The following FAM13A variants were observed in gnomAD, a reference collection of about 807,000 sequenced individuals.
FAM13A encodes family with sequence similarity 13 member A, also known as protein FAM13A.
A neutral mutation model predicts 129.6 loss-of-function variants in FAM13A; 76 were observed. The ratio of observed to expected loss-of-function variants is 0.59; its 90% CI spans 0.49 to 0.71. FAM13A has a LOEUF of 0.71. Among genes scored for constraint, FAM13A ranks in the 30% least tolerant of loss-of-function variants. The probability of loss-of-function intolerance (pLI) is 0.00; values close to 1 mark genes in which losing one functional copy is unlikely to be tolerated. For synonymous variants in FAM13A, 443 were observed against 449.9 expected (o/e 0.98, Z 0.20); for missense variants, 1,108 against 1,249.3 (o/e 0.89, Z 1.70).
chr4:88,943,531 T>C (rs754805283), intron 4 of FAM13A, among the ~76,000 whole-genome samples: 1 of 152,256 alleles, frequency 6.6e-6, no homozygotes, highest in Non-Finnish European at 1.5e-5. Flanking sequence ...GGTTCTAACA[T>C]GGCCATTTTA....
intron 9 of FAM13A, 103 bp downstream of exon 9, chr4:88,790,483 T>C: frequency 1.1e-6 from 1 of 933,162 alleles, no homozygotes; most frequent in Non-Finnish European, 1.7e-6. Flanking sequence ...AATTTTCCAA[T>C]ACTGTACACC....
intron 6 of FAM13A, among the ~76,000 whole-genome samples, chr4:88,866,739 G>C (rs1171528457): frequency 6.6e-6 from 1 of 152,124 alleles, no homozygotes; most frequent in Non-Finnish European, 1.5e-5. Context: ...ATAGTTTGTA[G>C]AGCAGTTGGA....
chr4:88,879,064 G>A (rs904123274), intron 6 of FAM13A, among the ~76,000 whole-genome samples: 1 of 152,194 alleles, frequency 6.6e-6, no homozygotes, highest in Non-Finnish European at 1.5e-5. Context: ...AATAAGTTGT[G>A]TGCAATCAGA....
chr4:88,977,856 T>G (rs1761113315), intron 4 of FAM13A, among the ~76,000 whole-genome samples: 1 of 152,158 alleles, frequency 6.6e-6, no homozygotes, highest in South Asian at 2.1e-4. Context: ...ATGGAGCATA[T>G]AAAGTTATAA....
intron 8 of FAM13A, among the ~76,000 whole-genome samples, chr4:88,804,689 A>G (rs1728205263): frequency 8.0e-6 from 1 of 125,106 alleles, no homozygotes; most frequent in Admixed American, 8.0e-5. Context: ...TAACCTATGC[A>G]TATGTATATG....
At chr4:88,936,860 T>C (rs921399368) in intron 5 of FAM13A, 4 of 152,196 alleles carry the variant, frequency 2.6e-5, no homozygotes, top group Non-Finnish European at 4.4e-5. Context: ...ATGGGGTATA[T>C]GTGATTGAGA....
intron 4 of FAM13A, among the ~76,000 whole-genome samples, chr4:88,977,940 A>C (rs1395730874): frequency 6.6e-6 from 1 of 152,226 alleles, no homozygotes; most frequent in Non-Finnish European, 1.5e-5. Context: ...AATCAGTAAT[A>C]TTTAATTTTT....
rs561938050 is a variant in FAM13A, at chr4:88,825,378, C to G, written c.1008-20326G>C. Among the ~76,000 whole-genome samples the G allele has an allele frequency of 1.3e-4, 19 of 151,594 alleles. No individual in the cohort carries two copies. The East Asian group carries it at 3.1e-3, about 25-fold the overall frequency. On this transcript the variant is annotated intron_variant, in intron 7 of 23. Transcript: ENST00000264344. The stretch of plus-strand genomic sequence containing the variant: ...TTACAGGTGCTCGCCACCATGCCCC[C>G]CCTAATTTTTGTATTTTTAGTAGAG...
intron 8 of FAM13A, among the ~76,000 whole-genome samples, chr4:88,800,026 T>A (rs1489813525): frequency 6.6e-6 from 1 of 152,178 alleles, no homozygotes; most frequent in Admixed American, 6.5e-5. Context: ...CCCTGAGGTA[T>A]GCTAAGTAAA....
intron 6 of FAM13A, among the ~76,000 whole-genome samples, chr4:88,901,354 C>G (rs1385471414): frequency 6.6e-6 from 1 of 152,102 alleles, no homozygotes; most frequent in African/African-American, 2.4e-5. Flanking sequence ...TTCTCATCAC[C>G]ACACAGCACT....
At chr4:88,901,969 C>T (rs571503242) in intron 6 of FAM13A, among the ~76,000 whole-genome samples, 6 of 152,118 alleles carry the variant, frequency 3.9e-5, no homozygotes, top group Admixed American at 1.3e-4. Context: ...ACAGAGAATA[C>T]TATAAACACC....
At chr4:88,858,379 A>G (rs1394205768) in intron 6 of FAM13A, among the ~76,000 whole-genome samples, 3 of 152,250 alleles carry the variant, frequency 2.0e-5, no homozygotes. Context: ...GAATTAAGGT[A>G]GAAGACTTTA....
intron 3 of FAM13A, among the ~76,000 whole-genome samples, chr4:88,996,429 G>A (rs920338281): frequency 6.6e-6 from 1 of 152,192 alleles, no homozygotes; most frequent in Non-Finnish European, 1.5e-5. Context: ...GTTAGACGTG[G>A]GGGCGGATTC....
intron 1 of FAM13A, among the ~76,000 whole-genome samples, chr4:89,041,538 T>C (rs1162476033): frequency 6.7e-6 from 1 of 148,558 alleles, no homozygotes; most frequent in Non-Finnish European, 1.5e-5. Context: ...GGTTAAATAA[T>C]GTATGTAAAA....
chr4:88,783,106 G>A (rs1001896769), intron 10 of FAM13A, among the ~76,000 whole-genome samples: 2 of 151,628 alleles, frequency 1.3e-5, no homozygotes, highest in African/African-American at 4.9e-5. Context: ...ATTCCATCAG[G>A]CACTTATTCT....
intron 17 of FAM13A, 124 bp from the exon 18 acceptor site, chr4:88,747,975 C>CGCCT: frequency 1.5e-6 from 1 of 650,938 alleles, no homozygotes; most frequent in South Asian, 2.0e-5. Context: ...CTGCAAGCTC[C>CGCCT]GCCTCCTGGG....
intron 6 of FAM13A, among the ~76,000 whole-genome samples, chr4:88,889,112 C>T (rs914637350): frequency 6.6e-6 from 1 of 152,078 alleles, no homozygotes; most frequent in Admixed American, 6.5e-5. Context: ...GAATTCCTCA[C>T]AGAAAACAGA....
At chr4:88,951,017 G>A (rs1033504847) in intron 4 of FAM13A, among the ~76,000 whole-genome samples, 1 of 152,198 alleles carries the variant, frequency 6.6e-6, no homozygotes, top group Non-Finnish European at 1.5e-5. Flanking sequence ...GTACGAAGGT[G>A]TAAACCCGGT....
rs1560830640 is a variant in FAM13A, at chr4:88,732,151, G to C, written c.2694C>G (p.Phe898Leu). The change falls in exon 22 of 24, where the codon TTC becomes TTG. Residue 898 changes from phenylalanine (F) to leucine (L), a missense_variant. Phe to Leu is a conservative substitution (Grantham distance 22). Transcript: ENST00000264344. ...TGAAATCGGTTTTCAGAGTGACCAT[G>C]AAGTCTGGCTTCACATTGCTATCGT... is the stretch of plus-strand genomic sequence containing the variant. ...SEDDSNVKPD[F>L]MVTLKTDFSA... 9 of 1,613,522 alleles carry C rather than the reference G, an allele frequency of 5.6e-6. No homozygotes were observed. Among genetic ancestry groups the C allele is most frequent in the Non-Finnish European group, 5.9e-6 (7 of 1,179,656 alleles).
Sources: gnomAD v4.1 joint callset for allele counts (sites outside exome capture counted in the v4.1 genomes callset) on GRCh38, gnomAD v4.1.1 for gene constraint, MANE v1.5 for transcripts, NCBI Gene and HGNC (gene_info 2026-07-23, HGNC 2026-07-21) for gene names.